CELF2: variants seen among roughly 807,000 people sequenced by gnomAD.
CELF2 encodes the protein CUGBP Elav-like family member 2.
CELF2 carries 8 observed loss-of-function variants against 62.6 expected under a neutral mutation model. That is an observed-to-expected ratio of 0.13 (90% CI 0.07 to 0.23). The LOEUF is 0.23. Among genes scored for constraint, CELF2 ranks in the 10% least tolerant of loss-of-function variants. The pLI is 1.00. For missense variants in CELF2, 333 were observed against 671.0 expected, an observed-to-expected ratio of 0.50 and a Z score of 5.56; for synonymous variants, 258 against 250.0, an observed-to-expected ratio of 1.03 and a Z score of -0.30.
Position 11,005,856 on chromosome 10 carries a change from C to T in CELF2, c.53+416C>T, listed in dbSNP as rs768004053. Reference sequence around the variant, plus strand: ...CTGAGGAGACTCCATATTAGACTTGCGTTCCAAATACCGCTCTAATCTGGA... The same window carrying T: ...CTGAGGAGACTCCATATTAGACTTGTGTTCCAAATACCGCTCTAATCTGGA... On this transcript the variant is annotated intron_variant, in intron 1 of 12. Transcript: ENST00000416382. This position sits in a 1 kb window ranked among gnomAD's most constrained non-coding sequence, Gnocchi z 4.3. Among the ~76,000 whole-genome samples the T allele has an allele frequency of 2.6e-5, 4 of 152,170 alleles. No individual in the cohort carries two copies. Among genetic ancestry groups the T allele is most frequent in the Non-Finnish European group, 5.9e-5 (4 of 68,032 alleles).
At chr10:10,492,423 C>T in the CELF2 span, among the ~76,000 whole-genome samples, 6 of 152,216 alleles carry the variant, frequency 3.9e-5, no homozygotes, top group East Asian at 1.2e-3. Context: ...AACAAACCTG[C>T]ACGTTGTGCA....
At chr10:10,830,879 T>C (rs2057794140) in intron 1 of CELF2, among the ~76,000 whole-genome samples, 1 of 152,200 alleles carries the variant, frequency 6.6e-6, no homozygotes, top group African/African-American at 2.4e-5. Context: ...GGTACACATC[T>C]GTCAATGAAT....
intron 1 of CELF2, among the ~76,000 whole-genome samples, chr10:10,807,772 A>C (rs2055385855): frequency 6.6e-6 from 1 of 152,222 alleles, no homozygotes; most frequent in Non-Finnish European, 1.5e-5. Flanking sequence ...CACTTTACCA[A>C]GTCCAATATA....
intron 2 of CELF2, among the ~76,000 whole-genome samples, chr10:10,984,187 T>G (rs2052469369): frequency 6.6e-6 from 1 of 152,228 alleles, no homozygotes; most frequent in Non-Finnish European, 1.5e-5. Context: ...GAAAAGAAAC[T>G]TACTGAAGGA....
Position 11,243,572 on chromosome 10 carries a change from C to T in CELF2, c.355-5581C>T, listed in dbSNP as rs935569900. On this transcript the variant is annotated intron_variant, in intron 3 of 12. Transcript: ENST00000633077. This position sits in a 1 kb window ranked among gnomAD's most constrained non-coding sequence, Gnocchi z 4.1. ...CCTTGCGTGAGAGGACCAGAGATCT[C>T]CTGTCGTCTTCCAGGCTTGCTGCAA... Among the ~76,000 whole-genome samples the T allele has an allele frequency of 6.6e-6, 1 of 152,198 alleles. No homozygotes were observed. The highest frequency in any genetic ancestry group is 1.5e-5 in the Non-Finnish European group (1 of 68,040).
At chr10:10,477,917 A>G in the CELF2 span, among the ~76,000 whole-genome samples, 1 of 152,136 alleles carries the variant, frequency 6.6e-6, no homozygotes, top group African/African-American at 2.4e-5. Context: ...CCCTCATATA[A>G]TGGGGCAGTT....
At position 11,237,100 on chromosome 10, in the gene CELF2, C is replaced by A. The variant is rs1208079737; in HGVS notation, c.355-12053C>A. Among the ~76,000 whole-genome samples the A allele has an allele frequency of 6.6e-6, 1 of 152,108 alleles. No individual in the cohort carries two copies. The highest frequency in any genetic ancestry group is 6.5e-5 in the Admixed American group (1 of 15,268). On this transcript the variant is annotated intron_variant, in intron 3 of 12. Transcript: ENST00000633077. This position sits in a 1 kb window ranked among gnomAD's most constrained non-coding sequence, Gnocchi z 4.0. ...AGAAGATGGAAGGCAATGACCAGAA[C>A]TGGTGAGGAGGCTGTTTCGGGGATC...
At chr10:11,283,599 T>A (rs1364178227) in intron 8 of CELF2, among the ~76,000 whole-genome samples, 2 of 134,080 alleles carry the variant, frequency 1.5e-5, no homozygotes, top group Non-Finnish European at 3.2e-5. Flanking sequence ...GACTAGATGA[T>A]GGATGGGGGC....
At position 11,240,798 on chromosome 10, in the gene CELF2, T is replaced by G. The variant is rs115696359; in HGVS notation, c.355-8355T>G. Reference sequence around the variant, plus strand: ...AGCCTGTAGGTGGAGGCAATCTTTATGTGTAGCGTGGAAGAGGGAAATTAT... The same window carrying G: ...AGCCTGTAGGTGGAGGCAATCTTTAGGTGTAGCGTGGAAGAGGGAAATTAT... On this transcript the variant is annotated intron_variant, in intron 3 of 12. Transcript: ENST00000633077. Among the ~76,000 whole-genome samples, 393 of 152,336 alleles carry G rather than the reference T, an allele frequency of 2.6e-3. 2 individuals are homozygous for G. The highest frequency in any genetic ancestry group is 9.0e-3 in the African/African-American group (376 of 41,574).
the CELF2 span, among the ~76,000 whole-genome samples, chr10:10,469,773 C>G: frequency 6.6e-6 from 1 of 151,712 alleles, no homozygotes; most frequent in East Asian, 1.9e-4. Flanking sequence ...CTATCTGTGC[C>G]TGGCCTTTTC....
intron 1 of CELF2, among the ~76,000 whole-genome samples, chr10:11,115,307 T>C (rs1460585504): frequency 6.6e-6 from 1 of 152,252 alleles, no homozygotes; most frequent in Non-Finnish European, 1.5e-5. Context: ...TAGCATTTTA[T>C]ATCTGGCCCA....
the CELF2 span, among the ~76,000 whole-genome samples, chr10:10,520,046 CT>C: frequency 6.6e-6 from 1 of 152,152 alleles, no homozygotes; most frequent in South Asian, 2.1e-4. Flanking sequence ...TTCCATCTTC[CT>C]CTTCATAATG....
At chr10:10,953,126 A>G (rs1008158104) in intron 2 of CELF2, among the ~76,000 whole-genome samples, 1 of 152,228 alleles carries the variant, frequency 6.6e-6, no homozygotes, top group East Asian at 1.9e-4. Context: ...CATCATTAAC[A>G]AGACACAAAA....
chr10:11,018,331 C>T (rs2057659776), intron 1 of CELF2, among the ~76,000 whole-genome samples, 168 bp downstream of exon 1: 1 of 151,614 alleles, frequency 6.6e-6, no homozygotes, highest in South Asian at 2.1e-4. Flanking sequence ...GAGGAGGGAG[C>T]GGGTGCGGAC....
chr10:10,702,740 A>C, the CELF2 span, among the ~76,000 whole-genome samples: 1 of 152,156 alleles, frequency 6.6e-6, no homozygotes, highest in South Asian at 2.1e-4. Context: ...GCCTGTCACT[A>C]GGCCCAGCTA....
chr10:10,952,144 C>A (rs1564251392), intron 2 of CELF2: 2 of 152,242 alleles, frequency 1.3e-5, no homozygotes, highest in Admixed American at 1.3e-4. Flanking sequence ...ATCTTCAGAT[C>A]TTTTCAAATG....
At position 10,931,486 on chromosome 10, in the gene CELF2, T is replaced by C. The variant is rs975236308; in HGVS notation, c.89+11487T>C. 6.6e-6 allele frequency among the ~76,000 whole-genome samples: 1 copy of C among 152,146 alleles called. No individual in the cohort carries two copies. Among genetic ancestry groups the C allele is most frequent in the Non-Finnish European group, 1.5e-5 (1 of 68,028 alleles). On this transcript the variant is annotated intron_variant, in intron 2 of 13. Coordinates refer to the CELF2 transcript ENST00000636488. This position sits in a 1 kb window ranked among gnomAD's most constrained non-coding sequence, Gnocchi z 6.1. ...GAAACTCTATTTACCACCACAGTTATAGCATTTGAGACCCTCCCTCACCCA... is the reference window on the plus strand; with the variant it reads ...GAAACTCTATTTACCACCACAGTTACAGCATTTGAGACCCTCCCTCACCCA...
chr10:10,984,500 T>C (rs2052515829), intron 2 of CELF2, among the ~76,000 whole-genome samples: 1 of 152,216 alleles, frequency 6.6e-6, no homozygotes, highest in Admixed American at 6.5e-5. Flanking sequence ...TCTAATGATA[T>C]TTAATTTCAT....
chr10:10,690,614 G>A, the CELF2 span, among the ~76,000 whole-genome samples: 6 of 152,148 alleles, frequency 3.9e-5, no homozygotes, highest in Non-Finnish European at 8.8e-5. Context: ...GCACAGTGGT[G>A]CATGCCTATA....
Sources: gnomAD v4.1 joint callset for allele counts (sites outside exome capture counted in the v4.1 genomes callset) on GRCh38, gnomAD v4.1.1 for gene constraint, Gnocchi (gnomAD v3.1) non-coding constraint, MANE v1.5 for transcripts, NCBI Gene and HGNC (gene_info 2026-07-23, HGNC 2026-07-21) for gene names.